The following SLC25A21 variants were observed in gnomAD, a reference collection of about 807,000 sequenced individuals.
SLC25A21 encodes solute carrier family 25 member 21.
A neutral mutation model predicts 43.8 loss-of-function variants in SLC25A21; 47 were observed. The observed-to-expected ratio is 1.07, with a 90% CI of 0.85 to 1.37. The LOEUF (loss-of-function observed/expected upper bound fraction) is 1.37. Ranked by LOEUF, SLC25A21 falls within the 40% of genes most tolerant of loss-of-function variation. The pLI is 0.00. For missense variants in SLC25A21, 352 were observed against 350.2 expected, an observed-to-expected ratio of 1.00 and a Z score of -0.04; for synonymous variants, 131 against 121.3, an observed-to-expected ratio of 1.08 and a Z score of -0.52.
chr14:36,838,719 C>T (rs1889290211), intron 2 of SLC25A21, among the ~76,000 whole-genome samples: 1 of 152,302 alleles, frequency 6.6e-6, no homozygotes, highest in East Asian at 1.9e-4. Context: ...AGAGCTACTA[C>T]TTGGCACATT....
At chr14:36,685,039 G>T in intron 7 of SLC25A21, 114 bp from the exon 8 acceptor site, 1 of 710,462 alleles carries the variant, frequency 1.4e-6, no homozygotes, top group Non-Finnish European at 2.2e-6. Context: ...GCACCCTCCT[G>T]TTATTCCAGC....
In SLC25A21 at chr14:37,048,551, G is replaced by A. The variant is rs563004178; in HGVS notation, c.70+123730C>T. On this transcript the variant is annotated intron_variant, in intron 1 of 9. Coordinates refer to ENST00000331299, the MANE Select transcript of SLC25A21 (RefSeq NM_030631.4). The stretch of plus-strand genomic sequence containing the variant: ...CTAAATTGACCTACATTATTCAACA[G>A]ATTCAAAAATGTAACTTGCCTATAA... 2.6e-5 allele frequency among the ~76,000 whole-genome samples: 4 copies of A among 151,990 alleles called. No individual in the cohort carries two copies. In the South Asian group the frequency reaches 8.3e-4, roughly 32 times the overall value.
chr14:37,111,456 G>A (rs766761523), intron 1 of SLC25A21, among the ~76,000 whole-genome samples: 2 of 152,132 alleles, frequency 1.3e-5, no homozygotes, highest in African/African-American at 2.4e-5. Flanking sequence ...AATAAAGGGG[G>A]AAGGAATTGA....
intron 3 of SLC25A21, among the ~76,000 whole-genome samples, chr14:36,799,876 A>T (rs1211673408): frequency 1.3e-5 from 2 of 152,188 alleles, no homozygotes; most frequent in South Asian, 2.1e-4. Flanking sequence ...ATAAATTTTT[A>T]AAAATGTTAT....
At chr14:36,730,482 A>G (rs975777097) in intron 4 of SLC25A21, among the ~76,000 whole-genome samples, 1 of 152,124 alleles carries the variant, frequency 6.6e-6, no homozygotes, top group Non-Finnish European at 1.5e-5. Context: ...GGTCCCCAAT[A>G]TTTTCTACTC....
At chr14:36,954,128 A>T (rs1959262183) in intron 1 of SLC25A21, among the ~76,000 whole-genome samples, 1 of 152,122 alleles carries the variant, frequency 6.6e-6, no homozygotes, top group African/African-American at 2.4e-5. Flanking sequence ...ATTTTTATTA[A>T]TTATCATAGT....
intron 2 of SLC25A21, among the ~76,000 whole-genome samples, chr14:36,866,631 ATTC>A (rs1349126756): frequency 2.0e-5 from 3 of 152,180 alleles, no homozygotes; most frequent in East Asian, 1.9e-4. Context: ...AAGCAAGAGT[ATTC>A]TTCTTAGGAA....
intron 1 of SLC25A21, among the ~76,000 whole-genome samples, chr14:36,964,710 G>T (rs867352494): frequency 1.6e-4 from 25 of 152,122 alleles, no homozygotes; most frequent in African/African-American, 5.1e-4. Flanking sequence ...GTAGAATCAG[G>T]GCCTGCAGTA....
At chr14:37,042,074 C>G (rs914730443) in intron 1 of SLC25A21, among the ~76,000 whole-genome samples, 1 of 152,194 alleles carries the variant, frequency 6.6e-6, no homozygotes, top group African/African-American at 2.4e-5. Flanking sequence ...AATGATCTCT[C>G]TCCCATAATA....
chr14:37,081,324 G>C (rs1962383377), intron 1 of SLC25A21, among the ~76,000 whole-genome samples: 3 of 152,228 alleles, frequency 2.0e-5, no homozygotes, highest in Admixed American at 2.0e-4. Context: ...AGTTGTAATT[G>C]AGAAGATGTG....
At chr14:37,004,254 C>A (rs1960548745) in intron 1 of SLC25A21, among the ~76,000 whole-genome samples, 1 of 152,016 alleles carries the variant, frequency 6.6e-6, no homozygotes, top group Non-Finnish European at 1.5e-5. Flanking sequence ...CTGCAGCCAC[C>A]CACCAAATTC....
intron 1 of SLC25A21, among the ~76,000 whole-genome samples, chr14:36,890,022 A>G (rs1891033098): frequency 6.6e-6 from 1 of 152,302 alleles, no homozygotes; most frequent in Non-Finnish European, 1.5e-5. Flanking sequence ...TACTGTGTAC[A>G]TAGTGCTTCC....
intron 1 of SLC25A21, among the ~76,000 whole-genome samples, chr14:37,080,570 C>T (rs1368313900): frequency 6.6e-6 from 1 of 152,124 alleles, no homozygotes; most frequent in South Asian, 2.1e-4. Context: ...ACTGCACTTC[C>T]GCCTGGGTGA....
intron 2 of SLC25A21, among the ~76,000 whole-genome samples, chr14:36,820,784 T>C (rs186312351): frequency 1.2e-4 from 19 of 152,268 alleles, no homozygotes; most frequent in Non-Finnish European, 2.2e-4. Context: ...TGATAATAAG[T>C]GGTGATGAGC....
At chr14:37,119,052 C>T (rs564882620) in intron 1 of SLC25A21, among the ~76,000 whole-genome samples, 1 of 152,138 alleles carries the variant, frequency 6.6e-6, no homozygotes, top group Admixed American at 6.6e-5. Context: ...CTCCAGTAAT[C>T]CTCACTGCTC....
chr14:37,097,420 A>AG lies in SLC25A21; in HGVS notation c.70+74860dup, dbSNP rs559416187. On this transcript the variant is annotated intron_variant, in intron 1 of 9. Transcript: ENST00000331299. ...CGGCCAAATGTGTTTTCTTGCGTTA[A>AG]GGGTTGTTCAAAATTTGATGTTCCT... is the stretch of plus-strand genomic sequence containing the variant. 1.6e-4 allele frequency among the ~76,000 whole-genome samples: 25 copies of AG among 152,160 alleles called. No homozygotes were observed. The South Asian group carries it at 5.2e-3, about 32-fold the overall frequency.
At chr14:36,682,741 T>C (rs1405777011) in intron 9 of SLC25A21, among the ~76,000 whole-genome samples, 1 of 64,152 alleles carries the variant, frequency 1.6e-5, no homozygotes, top group Non-Finnish European at 4.0e-5. Flanking sequence ...GGCCAATAAC[T>C]AACGGAAGGT....
intron 7 of SLC25A21, among the ~76,000 whole-genome samples, chr14:36,706,970 G>A (rs1282375758): frequency 1.3e-5 from 2 of 151,620 alleles, no homozygotes; most frequent in East Asian, 1.9e-4. Flanking sequence ...AATCTTAGAT[G>A]AAGATAAGAA....
intron 1 of SLC25A21, among the ~76,000 whole-genome samples, chr14:37,154,745 C>T (rs946197957): frequency 3.3e-5 from 5 of 151,368 alleles, no homozygotes; most frequent in East Asian, 2.0e-4. Context: ...CCAGTTCAAG[C>T]GATTCTCCTG....
Sources: allele counts gnomAD v4.1 joint callset (sites outside exome capture counted in the v4.1 genomes callset), GRCh38; gene constraint gnomAD v4.1.1; transcripts MANE v1.5; gene names NCBI Gene and HGNC (gene_info 2026-07-23, HGNC 2026-07-21).